The following SEM1 variants were observed in gnomAD, a reference collection of about 807,000 sequenced individuals.
SEM1 encodes 26S proteasome complex subunit SEM1.
Under a neutral mutation model 12.7 loss-of-function variants are expected in SEM1, and 3 were observed. That is an observed-to-expected ratio of 0.24 (90% CI 0.11 to 0.61). SEM1 has a LOEUF of 0.61. SEM1 is among the 20% of genes least tolerant of loss of function. The pLI is 0.88. For missense variants in SEM1, 59 were observed against 81.3 expected, an observed-to-expected ratio of 0.73 and a Z score of 1.06; for synonymous variants, 30 against 27.8, an observed-to-expected ratio of 1.08 and a Z score of -0.25.
chr7:96,709,084 C>G (rs1468438445), intron 1 of SEM1, among the ~76,000 whole-genome samples: 3 of 152,036 alleles, frequency 2.0e-5, no homozygotes, highest in African/African-American at 7.2e-5. Flanking sequence ...CAAACTGCTG[C>G]GATTACAGGC....
At chr7:96,613,217 C>G (rs1274836857) in intron 2 of SEM1, among the ~76,000 whole-genome samples, 1 of 152,122 alleles carries the variant, frequency 6.6e-6, no homozygotes, top group Non-Finnish European at 1.5e-5. Context: ...TAATTCTTGT[C>G]TATAGACATA....
At chr7:96,485,586 A>G (rs888159160) in intron 2 of SEM1, among the ~76,000 whole-genome samples, 7 of 113,200 alleles carry the variant, frequency 6.2e-5, no homozygotes, top group Non-Finnish European at 9.9e-5. Context: ...TCTATTGCCC[A>G]GGCTGGAGTG....
chr7:96,533,334 C>T (rs1804695839), intron 2 of SEM1, among the ~76,000 whole-genome samples: 1 of 152,010 alleles, frequency 6.6e-6, no homozygotes, highest in South Asian at 2.1e-4. Context: ...TTTTCTCCTC[C>T]CACCGTCTCC....
At chr7:96,493,926 C>T (rs571185368) in intron 1 of SEM1, among the ~76,000 whole-genome samples, 1 of 152,276 alleles carries the variant, frequency 6.6e-6, no homozygotes, top group South Asian at 2.1e-4. Context: ...TTTTGCTCCC[C>T]ACAACCACAC....
chr7:96,650,320 GA>G (rs1808933196), intron 2 of SEM1: 3 of 499,000 alleles, frequency 6.0e-6, no homozygotes, highest in Non-Finnish European at 3.5e-6. Context: ...CTAGATGTCA[GA>G]AAAGTCCTCT....
downstream of SEM1, among the ~76,000 whole-genome samples, chr7:96,618,542 G>A (rs193006691): frequency 1.8e-4 from 28 of 152,122 alleles, no homozygotes; most frequent in Admixed American, 3.9e-4. Flanking sequence ...GTAACTTTAT[G>A]TAGTCCCAGT....
intron 2 of SEM1, among the ~76,000 whole-genome samples, chr7:96,610,679 G>A (rs1207294216): frequency 3.3e-5 from 5 of 152,132 alleles, no homozygotes; most frequent in African/African-American, 9.7e-5. Flanking sequence ...TATAGAATTG[G>A]AAGTTTCTAC....
chr7:96,660,897 T>C (rs1468432098), intron 2 of SEM1, among the ~76,000 whole-genome samples: 5 of 152,110 alleles, frequency 3.3e-5, no homozygotes, highest in South Asian at 4.1e-4. Context: ...ATGAGTTACA[T>C]GTATGTATCA....
chr7:96,651,054 CAGACTCCA>C (rs1410636740), intron 2 of SEM1, among the ~76,000 whole-genome samples: 2 of 152,190 alleles, frequency 1.3e-5, no homozygotes, highest in African/African-American at 2.4e-5. Flanking sequence ...TAAGACACCA[CAGACTCCA>C]TGTTCTCCAG....
At chr7:96,699,656 T>C (rs1040495137) in intron 1 of SEM1, among the ~76,000 whole-genome samples, 1 of 152,232 alleles carries the variant, frequency 6.6e-6, no homozygotes, top group Non-Finnish European at 1.5e-5. Flanking sequence ...ACGTTTCTTT[T>C]GAAAGCCCTG....
At chr7:96,669,058 C>T (rs566507908), downstream of SEM1, among the ~76,000 whole-genome samples, 1 of 152,224 alleles carries the variant, frequency 6.6e-6, no homozygotes, top group Admixed American at 6.5e-5. Flanking sequence ...CCTGCTGACA[C>T]CTTAATTTCA....
At chr7:96,589,320 A>G (rs1554658) in intron 2 of SEM1, among the ~76,000 whole-genome samples, 47,143 of 152,060 alleles carry the variant, frequency 0.31, 7,346 homozygotes, top group Middle Eastern at 0.32. Flanking sequence ...GAAACGGCCC[A>G]TCCCCGGATT....
intron 2 of SEM1, among the ~76,000 whole-genome samples, chr7:96,652,898 A>G (rs1008008762): frequency 1.3e-5 from 2 of 152,324 alleles, no homozygotes; most frequent in African/African-American, 4.8e-5. Flanking sequence ...ATTAATGTTG[A>G]CACACTAGCA....
At chr7:96,493,618 C>T (rs1233884491) in intron 1 of SEM1, among the ~76,000 whole-genome samples, 1 of 152,134 alleles carries the variant, frequency 6.6e-6, no homozygotes, top group Non-Finnish European at 1.5e-5. Context: ...CCTCCAATAT[C>T]ATTGTTGGAG....
chr7:96,566,768 T>TC (rs1805854752), intron 2 of SEM1, among the ~76,000 whole-genome samples: 1 of 151,676 alleles, frequency 6.6e-6, no homozygotes, highest in African/African-American at 2.4e-5. Context: ...TTTTAGAATT[T>TC]CCTTTTGTAG....
At chr7:96,570,173 A>T (rs929335553) in intron 2 of SEM1, among the ~76,000 whole-genome samples, 3 of 150,686 alleles carry the variant, frequency 2.0e-5, no homozygotes, top group African/African-American at 7.3e-5. Flanking sequence ...TTCTCTGCAT[A>T]CTTGCCAGCA....
chr7:96,654,749 A>T (rs922861699), intron 2 of SEM1, among the ~76,000 whole-genome samples: 1 of 152,142 alleles, frequency 6.6e-6, no homozygotes, highest in Non-Finnish European at 1.5e-5. Context: ...ATTTGTAGGG[A>T]CACAAGCCCA....
chr7:96,522,568 GAA>G (rs765064779), intron 2 of SEM1, among the ~76,000 whole-genome samples: 12 of 127,320 alleles, frequency 9.4e-5, no homozygotes, highest in East Asian at 2.3e-4. Flanking sequence ...TGCTTTGTGA[GAA>G]AAAAAAAAAA....
chr7:96,547,512 G>A (rs1051803418), intron 2 of SEM1, among the ~76,000 whole-genome samples: 4 of 152,160 alleles, frequency 2.6e-5, no homozygotes, highest in African/African-American at 9.7e-5. Flanking sequence ...TTCAAAAAAT[G>A]CAGGTGTGGG....
Sources: gnomAD v4.1 joint callset for allele counts (sites outside exome capture counted in the v4.1 genomes callset) on GRCh38, gnomAD v4.1.1 for gene constraint, MANE v1.5 for transcripts, NCBI Gene and HGNC (gene_info 2026-07-23, HGNC 2026-07-21) for gene names.